The following KCNIP4 variants were observed in gnomAD, a reference collection of about 807,000 sequenced individuals.
KCNIP4 encodes potassium voltage-gated channel interacting protein 4, also known as Kv channel-interacting protein 4.
Under a neutral mutation model 34.0 loss-of-function variants are expected in KCNIP4, and 12 were observed. The ratio of observed to expected loss-of-function variants is 0.35; its 90% CI spans 0.23 to 0.57. The LOEUF (loss-of-function observed/expected upper bound fraction) is 0.57, where lower values mean the gene tolerates loss of function less well. KCNIP4 is among the 20% of genes least tolerant of loss of function. The pLI, the probability that KCNIP4 is intolerant of heterozygous loss-of-function variation, is 0.83. For synonymous variants in KCNIP4, 124 were observed against 102.2 expected, an observed-to-expected ratio of 1.21 and a Z score of -1.29; for missense variants, 238 against 311.7, an observed-to-expected ratio of 0.76 and a Z score of 1.78.
At chr4:21,036,727 A>AAAAC (rs968144650) in intron 1 of KCNIP4, among the ~76,000 whole-genome samples, 16 of 152,338 alleles carry the variant, frequency 1.1e-4, no homozygotes, top group African/African-American at 3.4e-4. Context: ...TCCGTCTCAA[A>AAAAC]AAACAAACAA....
chr4:21,773,360 T>G (rs1294470668), intron 1 of KCNIP4, among the ~76,000 whole-genome samples: 2 of 152,202 alleles, frequency 1.3e-5, no homozygotes, highest in African/African-American at 2.4e-5. Flanking sequence ...TTAGAATAAG[T>G]GCCATGTGGC....
chr4:20,730,081 G>C lies in KCNIP4; in HGVS notation c.*1C>G, dbSNP rs1224107540. On this transcript the variant is annotated 3_prime_UTR_variant, in exon 9 of 9. Coordinates refer to ENST00000382152, the MANE Select transcript of KCNIP4 (RefSeq NM_025221.6). The stretch of plus-strand genomic sequence containing the variant: ...GTTGGATTCAGGATCTATTTGACAA[G>C]TTAAATCACATTTTCAAAGAGCTGC... The C allele has an allele frequency of 6.2e-7, 1 of 1,608,398 alleles. No individual in the cohort carries two copies.
intron 1 of KCNIP4, among the ~76,000 whole-genome samples, chr4:21,313,790 G>T (rs995894448): frequency 1.3e-5 from 2 of 152,184 alleles, no homozygotes; most frequent in African/African-American, 2.4e-5. Flanking sequence ...AAACAAGCCA[G>T]TCAAGCCTGA....
intron 1 of KCNIP4, among the ~76,000 whole-genome samples, chr4:21,774,712 T>C (rs774188234): frequency 3.4e-4 from 51 of 152,194 alleles, no homozygotes; most frequent in Non-Finnish European, 6.0e-4. Context: ...ATCTCTGATA[T>C]CCTTTCCTCC....
intron 1 of KCNIP4, among the ~76,000 whole-genome samples, chr4:21,793,043 A>G (rs1431125432): frequency 6.6e-6 from 1 of 152,194 alleles, no homozygotes; most frequent in Non-Finnish European, 1.5e-5. Flanking sequence ...CATTCCTGAG[A>G]AGCAAACTGA....
chr4:21,215,884 A>G (rs780330830), intron 1 of KCNIP4, among the ~76,000 whole-genome samples: 1 of 152,076 alleles, frequency 6.6e-6, no homozygotes, highest in East Asian at 1.9e-4. Flanking sequence ...TGGATCCTCC[A>G]TGGCCTACTG....
chr4:21,209,390 C>A (rs1469971906), intron 1 of KCNIP4, among the ~76,000 whole-genome samples: 1 of 151,966 alleles, frequency 6.6e-6, no homozygotes, highest in Non-Finnish European at 1.5e-5. Context: ...TAGCAAATTT[C>A]CCCCTACCCC....
intron 1 of KCNIP4, among the ~76,000 whole-genome samples, chr4:21,101,824 T>C (rs576814038): frequency 8.5e-5 from 13 of 152,328 alleles, no homozygotes; most frequent in Admixed American, 8.5e-4. Flanking sequence ...AGACAACACA[T>C]GACTCAGATT....
intron 1 of KCNIP4, among the ~76,000 whole-genome samples, chr4:20,906,881 C>A (rs1043109336): frequency 1.3e-5 from 2 of 152,112 alleles, no homozygotes; most frequent in African/African-American, 4.8e-5. Flanking sequence ...GAGGAAGGAA[C>A]CATTCAATAG....
intron 1 of KCNIP4, among the ~76,000 whole-genome samples, chr4:21,783,535 C>A (rs1419187973): frequency 6.6e-6 from 1 of 151,978 alleles, no homozygotes; most frequent in Non-Finnish European, 1.5e-5. Flanking sequence ...AAACTGAGAG[C>A]AAGTTACAGA....
At chr4:20,732,362 AGCTT>A (rs1319060301) in intron 7 of KCNIP4, among the ~76,000 whole-genome samples, 3 of 152,126 alleles carry the variant, frequency 2.0e-5, no homozygotes, top group Admixed American at 6.6e-5. Flanking sequence ...AAACTTTCAG[AGCTT>A]GCTTTTTGTC....
At chr4:21,012,915 C>A (rs1222085108) in intron 1 of KCNIP4, among the ~76,000 whole-genome samples, 1 of 152,174 alleles carries the variant, frequency 6.6e-6, no homozygotes, top group Non-Finnish European at 1.5e-5. Context: ...CATATTTACC[C>A]TGGCACAGAA....
chr4:20,980,911 C>T (rs1736003470), intron 1 of KCNIP4, among the ~76,000 whole-genome samples: 2 of 152,042 alleles, frequency 1.3e-5, no homozygotes, highest in Admixed American at 6.6e-5. Context: ...TGGGATAACC[C>T]TGTCAACCTT....
intron 1 of KCNIP4, chr4:21,852,398 G>C (rs1183902389): frequency 6.6e-6 from 1 of 152,168 alleles, no homozygotes; most frequent in Admixed American, 6.5e-5. Flanking sequence ...TTTTTAGGAA[G>C]AATTCTGGAA....
chr4:21,007,723 T>C (rs11939669), intron 1 of KCNIP4, among the ~76,000 whole-genome samples: 2,419 of 152,244 alleles, frequency 0.016, 69 homozygotes, highest in African/African-American at 0.055. Flanking sequence ...AGTAATTATC[T>C]CAGAAGAAAA....
intron 1 of KCNIP4, among the ~76,000 whole-genome samples, chr4:21,010,970 C>A (rs1043709302): frequency 1.3e-5 from 2 of 152,178 alleles, no homozygotes; most frequent in African/African-American, 4.8e-5. Flanking sequence ...CTGAGAGTTA[C>A]CTTTTGGAAA....
intron 1 of KCNIP4, among the ~76,000 whole-genome samples, chr4:21,549,108 G>A (rs1230650569): frequency 6.6e-6 from 1 of 151,770 alleles, no homozygotes; most frequent in African/African-American, 2.4e-5. Flanking sequence ...GAGAAGCAAT[G>A]GTCTCTAGAA....
chr4:21,094,205 C>T (rs1560714800), intron 1 of KCNIP4, among the ~76,000 whole-genome samples: 16 of 152,040 alleles, frequency 1.1e-4, no homozygotes. Flanking sequence ...TAGTTCAAAA[C>T]AGAACTAAAT....
chr4:21,215,797 T>C (rs919262074), intron 1 of KCNIP4, among the ~76,000 whole-genome samples: 1 of 152,084 alleles, frequency 6.6e-6, no homozygotes, highest in African/African-American at 2.4e-5. Context: ...ACCAAGATAT[T>C]CTTTGTTGTT....
Sources: gnomAD v4.1 joint callset for allele counts (sites outside exome capture counted in the v4.1 genomes callset) on GRCh38, gnomAD v4.1.1 for gene constraint, MANE v1.5 for transcripts, NCBI Gene and HGNC (gene_info 2026-07-23, HGNC 2026-07-21) for gene names.